Variants in ASPSCR1 observed in about 807,000 individuals in gnomAD.
The protein encoded by ASPSCR1 is tether containing UBX domain for GLUT4.
Under a neutral mutation model 68.9 loss-of-function variants are expected in ASPSCR1, and 55 were observed. The ratio of observed to expected loss-of-function variants is 0.80; its 90% CI spans 0.64 to 1.00. The LOEUF (loss-of-function observed/expected upper bound fraction) is 1.00, where lower values mean the gene tolerates loss of function less well. Among genes scored for constraint, ASPSCR1 ranks in the 50% least tolerant of loss-of-function variants. ASPSCR1 has a pLI of 0.00. For missense variants in ASPSCR1, 765 were observed against 762.2 expected (o/e 1.00, Z -0.04); for synonymous variants, 352 against 332.6 (o/e 1.06, Z -0.63).
chr17:82,007,772 G>A (rs1289021755), intron 7 of ASPSCR1: 1 of 152,270 alleles, frequency 6.6e-6, no homozygotes, highest in African/African-American at 2.4e-5. Context: ...GGGAACCCAG[G>A]CGTGCTCGCG....
Position 81,996,625 on chromosome 17 carries a change from G to A in ASPSCR1, c.712G>A (p.Ala238Thr), listed in dbSNP as rs148483554. ...TQEKQSTRAPAAAPFVPFSGG... is the reference protein window; with the variant it reads ...TQEKQSTRAPTAAPFVPFSGG... ...GGAGAAGCAGAGCACAAGGGCACCC[G>A]CAGCTGCCCCCTTTGTTCCTTTCTC... The change falls in exon 7 of 16, where the codon GCA becomes ACA. Residue 238 changes from alanine (A) to threonine (T), a missense_variant. Transcript: ENST00000306739. The A allele has an allele frequency of 2.2e-5, 36 of 1,611,548 alleles. No individual in the cohort carries two copies. The highest frequency in any genetic ancestry group is 4.0e-5 in the African/African-American group (3 of 74,942).
intron 3 of ASPSCR1, among the ~76,000 whole-genome samples, chr17:81,984,874 GCA>G (rs1472194389): frequency 5.2e-4 from 10 of 19,346 alleles, no homozygotes; most frequent in Admixed American, 2.5e-3. Flanking sequence ...GCACACCCCC[GCA>G]CACACACCCC....
At chr17:82,010,687 C>A in intron 9 of ASPSCR1, 115 bp from the exon 10 acceptor site, 1 of 1,145,006 alleles carries the variant, frequency 8.7e-7, no homozygotes, top group Non-Finnish European at 1.3e-6. Flanking sequence ...GTGGCTGCTT[C>A]TGCCTGCCTC....
At chr17:82,002,394 A>T (rs2042567638) in intron 7 of ASPSCR1, among the ~76,000 whole-genome samples, 1 of 150,794 alleles carries the variant, frequency 6.6e-6, no homozygotes. Context: ...AGTAGCTGGG[A>T]TTGATTACAG....
At chr17:82,017,171 G>A in intron 15 of ASPSCR1, 58 bp downstream of exon 15, 4 of 1,569,592 alleles carry the variant, frequency 2.5e-6, no homozygotes, top group Non-Finnish European at 3.4e-6. Context: ...GGGGGTCCGG[G>A]TGCTGTGGCA....
chr17:82,017,058 G>A lies in ASPSCR1; in HGVS notation c.1593G>A (p.Thr531=), dbSNP rs1171479249. 12 of 1,610,174 alleles carry A rather than the reference G, an allele frequency of 7.5e-6. No homozygotes were observed. Among genetic ancestry groups the A allele is most frequent in the Middle Eastern group, 1.7e-4 (1 of 5,994 alleles). Reference sequence around the variant, plus strand: ...TCCCCCCTGAGCCCATCCCAGGGACGGCCCAGCCCGTGAAGAGGAGCCTGG... The same window carrying A: ...TCCCCCCTGAGCCCATCCCAGGGACAGCCCAGCCCGTGAAGAGGAGCCTGG... ...ALVPPEPIPG[T]AQPVKRSLGK... The change falls in exon 15 of 16, where the codon ACG becomes ACA. Residue 531 remains threonine (T), a synonymous_variant. Transcript: ENST00000306739.
chr17:82,016,355 C>G (rs964445826), intron 12 of ASPSCR1, 121 bp from the exon 13 acceptor site: 35 of 883,690 alleles, frequency 4.0e-5, no homozygotes, highest in Non-Finnish European at 5.6e-5. Context: ...CTCATGGGGG[C>G]CGGGCAGGCA....
chr17:81,977,729 C>G lies in ASPSCR1; in HGVS notation c.83C>G (p.Pro28Arg), dbSNP rs775253047. Reference sequence around the variant, plus strand: ...CGGCGCCACACGGTGAAGGTGACGCCGAGCACCGTGCTGCTTCAGGTGCGG... The same window carrying G: ...CGGCGCCACACGGTGAAGGTGACGCGGAGCACCGTGCTGCTTCAGGTGCGG... ...NGRRHTVKVT[P>R]STVLLQVLED... Residue 28 changes from proline (P) to arginine (R), a missense_variant, in exon 1 of 16, where the codon CCG becomes CGG. Physicochemically the swap from Pro to Arg is moderately radical, Grantham distance 103 (BLOSUM62 -2). Transcript: ENST00000306739. The surrounding 1 kb of genome is among the most constrained non-coding windows in gnomAD (Gnocchi z 5.0). The G allele has an allele frequency of 7.7e-7, 1 of 1,295,116 alleles. No individual in the cohort carries two copies. Among genetic ancestry groups the G allele is most frequent in the East Asian group, 3.2e-5 (1 of 31,146 alleles). 80.2% of individuals were successfully genotyped at this position (1,295,116 alleles called of 1,614,324 possible). A position where few individuals can be genotyped will look rare whatever the true frequency, so the allele number is the denominator to read the frequency against.
chr17:82,015,648 G>C, intron 12 of ASPSCR1: 1 of 482,268 alleles, frequency 2.1e-6, no homozygotes, highest in Non-Finnish European at 3.8e-6. Context: ...CCTCTGGGCA[G>C]TGTCCCCTGG....
In ASPSCR1 at chr17:81,977,929, G is replaced by A. The variant is rs185610488; in HGVS notation, c.102+181G>A. 3.0e-3 allele frequency: 1,057 copies of A among 357,844 alleles called. 16 individuals carry two copies. The Admixed American group carries it at 0.037, about 13-fold the overall frequency. 22.2% of individuals were successfully genotyped at this position (357,844 alleles called of 1,614,324 possible). ...CCTGCGCTTCCGCTGGGGTCCCGGG[G>A]GTCCCGGGGGTCCCGAGTGGGGGCG... On this transcript the variant is annotated intron_variant, in intron 1 of 15. Transcript: ENST00000306739. The surrounding 1 kb of genome is among the most constrained non-coding windows in gnomAD (Gnocchi z 5.0).
intron 2 of ASPSCR1, among the ~76,000 whole-genome samples, chr17:81,981,497 G>C (rs2041794069): frequency 6.6e-6 from 1 of 152,204 alleles, no homozygotes; most frequent in African/African-American, 2.4e-5. Flanking sequence ...TTCTGCCTCA[G>C]CCTCCCGAGT....
chr17:81,996,050 G>A lies in ASPSCR1; in HGVS notation c.491G>A (p.Gly164Asp), dbSNP rs376733139. 2 of 1,609,252 alleles carry A rather than the reference G, an allele frequency of 1.2e-6. No homozygotes were observed. The highest frequency in any genetic ancestry group is 1.7e-5 in the Admixed American group (1 of 59,590). The change falls in exon 6 of 16, where the codon GGC becomes GAC. Residue 164 changes from glycine (G) to aspartate (D), a missense_variant. Physicochemically the swap from Gly to Asp is moderately conservative, Grantham distance 94. Coordinates refer to ENST00000306739, the MANE Select transcript of ASPSCR1 (RefSeq NM_024083.4). Reference sequence around the variant, plus strand: ...CTGCAGTCGCTGGGCCTGACCGGGGGCAGCGCCACCATCAGGTAAGGGCAG... The same window carrying A: ...CTGCAGTCGCTGGGCCTGACCGGGGACAGCGCCACCATCAGGTAAGGGCAG... ...TTLQSLGLTG[G>D]SATIRFVMKC...
chr17:81,996,314 C>T (rs1322716320), intron 6 of ASPSCR1, 106 bp from the exon 7 acceptor site: 9 of 1,295,942 alleles, frequency 6.9e-6, no homozygotes, highest in African/African-American at 3.9e-5. Context: ...GAACCGGGGG[C>T]GGGAGAGGGT....
intron 2 of ASPSCR1, among the ~76,000 whole-genome samples, chr17:81,979,902 G>A (rs534842689): frequency 6.6e-5 from 10 of 152,242 alleles, no homozygotes; most frequent in Non-Finnish European, 1.3e-4. Context: ...AAGGGTCAGA[G>A]CCCTCATATG....
chr17:81,977,843 G>A lies in ASPSCR1; in HGVS notation c.102+95G>A. On this transcript the variant is annotated intron_variant, in intron 1 of 15. Transcript: ENST00000306739. The surrounding 1 kb of genome is among the most constrained non-coding windows in gnomAD (Gnocchi z 5.0). ...GGTCGGCGTCCCGGTGTTCGGGGGC[G>A]GGGCCTCGGCGGCCAATGAGCGGCC... 6 of 991,160 alleles carry A rather than the reference G, an allele frequency of 6.1e-6. No individual in the cohort carries two copies. The highest frequency in any genetic ancestry group is 7.7e-6 in the Non-Finnish European group (6 of 781,250). The allele number at this position is 991,160 out of a possible 1,614,324, so 61.4% of individuals were successfully genotyped here.
intron 12 of ASPSCR1, chr17:82,016,119 G>A (rs2043116808): frequency 3.6e-6 from 1 of 281,012 alleles, no homozygotes. Flanking sequence ...CCTCCACGGT[G>A]GTCCCGGCGC....
At chr17:82,000,642 TAAAG>T (rs1203050819) in intron 7 of ASPSCR1, among the ~76,000 whole-genome samples, 1 of 152,182 alleles carries the variant, frequency 6.6e-6, no homozygotes, top group African/African-American at 2.4e-5. Flanking sequence ...TGGACTTAAA[TAAAG>T]AGTCAGAAGG....
At chr17:81,996,979 C>G in intron 7 of ASPSCR1, 133 bp downstream of exon 7, 1 of 1,490,210 alleles carries the variant, frequency 6.7e-7, no homozygotes, top group African/African-American at 1.4e-5. Context: ...CAGAGGAACC[C>G]AAACGCGGGG....
intron 4 of ASPSCR1, among the ~76,000 whole-genome samples, chr17:81,991,885 G>T (rs1299575704): frequency 1.3e-5 from 2 of 152,272 alleles, no homozygotes; most frequent in Non-Finnish European, 2.9e-5. Flanking sequence ...GAGAGCTCTA[G>T]ACTCACTGCC....
Sources: allele counts gnomAD v4.1 joint callset (sites outside exome capture counted in the v4.1 genomes callset), GRCh38; gene constraint gnomAD v4.1.1; non-coding constraint Gnocchi (gnomAD v3.1); transcripts MANE v1.5; gene names NCBI Gene and HGNC (gene_info 2026-07-23, HGNC 2026-07-21).